The following PPP3CA variants were observed in gnomAD, a reference collection of about 807,000 sequenced individuals.
PPP3CA encodes CAM-PRP catalytic subunit.
A neutral mutation model predicts 66.5 loss-of-function variants in PPP3CA; 14 were observed. That is an observed-to-expected ratio of 0.21 (90% CI 0.14 to 0.33). The LOEUF is 0.33. Among genes scored for constraint, PPP3CA ranks in the 10% least tolerant of loss-of-function variants. The pLI is 1.00. For synonymous variants in PPP3CA, 232 were observed against 226.2 expected (o/e 1.03, Z -0.23); for missense variants, 317 against 639.5 (o/e 0.50, Z 5.44).
At chr4:101,126,780 A>G (rs1366129177) in intron 2 of PPP3CA, among the ~76,000 whole-genome samples, 1 of 152,232 alleles carries the variant, frequency 6.6e-6, no homozygotes, top group African/African-American at 2.4e-5. Context: ...CATTCCCAGA[A>G]GATCTCAAAA....
intron 1 of PPP3CA, among the ~76,000 whole-genome samples, chr4:101,316,322 T>C (rs1728883082): frequency 6.6e-6 from 1 of 151,724 alleles, no homozygotes; most frequent in South Asian, 2.1e-4. Flanking sequence ...TCAAAGATAA[T>C]TGAAGTTGAC....
At chr4:101,029,347 T>TAAAAAAAAAAAAAAAAAAAACA (rs1726817901) in intron 12 of PPP3CA, 152 bp from the exon 13 acceptor site, 1 of 78,822 alleles carries the variant, frequency 1.3e-5, no homozygotes, top group Non-Finnish European at 2.1e-5. Context: ...ACAGAAATGC[T>TAAAAAAAAAAAAAAAAAAAACA]AAAAAAAAAA....
At chr4:101,279,026 G>C (rs951776062) in intron 1 of PPP3CA, among the ~76,000 whole-genome samples, 1 of 152,166 alleles carries the variant, frequency 6.6e-6, no homozygotes, top group Non-Finnish European at 1.5e-5. Context: ...TAATTAAAAT[G>C]TCTTGCATCA....
chr4:101,320,468 GTAT>G (rs1286655638), intron 1 of PPP3CA, among the ~76,000 whole-genome samples: 3 of 129,062 alleles, frequency 2.3e-5, no homozygotes, highest in African/African-American at 3.4e-5. Context: ...ATGTATGTAT[GTAT>G]GTATGTGTGT....
intron 1 of PPP3CA, among the ~76,000 whole-genome samples, chr4:101,286,122 A>G (rs1727840064): frequency 6.6e-6 from 1 of 152,168 alleles, no homozygotes; most frequent in African/African-American, 2.4e-5. Context: ...TTAGATCCTC[A>G]TATGTACAGT....
intron 1 of PPP3CA, among the ~76,000 whole-genome samples, chr4:101,335,696 G>A (rs1466133632): frequency 6.6e-6 from 1 of 152,092 alleles, no homozygotes; most frequent in Non-Finnish European, 1.5e-5. Flanking sequence ...AGGGTATCTC[G>A]GGATGCTAAA....
chr4:101,193,786 CT>C (rs1014440844), intron 2 of PPP3CA, among the ~76,000 whole-genome samples: 1 of 136,550 alleles, frequency 7.3e-6, no homozygotes, highest in Non-Finnish European at 1.5e-5. Context: ...TTCATTTTAA[CT>C]TTAAAAAATG....
intron 8 of PPP3CA, among the ~76,000 whole-genome samples, chr4:101,065,882 G>T (rs969454071): frequency 2.0e-5 from 3 of 152,044 alleles, no homozygotes; most frequent in African/African-American, 7.2e-5. Context: ...TGAGATAAAA[G>T]TTCATTTGAC....
chr4:101,347,134 G>T lies in PPP3CA; in HGVS notation c.-338C>A. On this transcript the variant is annotated 5_prime_UTR_variant, in exon 1 of 14. Transcript: ENST00000394854. ...GGGAAGGGGGATGGGGAGGAGAAGC[G>T]CACACACGAGCACCCACCCCGGCAC... 2.2e-6 allele frequency: 1 copy of T among 446,866 alleles called. No individual in the cohort carries two copies. The highest frequency in any genetic ancestry group is 2.1e-5 in the African/African-American group (1 of 46,734). 27.7% of individuals were successfully genotyped at this position (446,866 alleles called of 1,614,324 possible).
chr4:101,105,815 T>A (rs1730641207), intron 3 of PPP3CA, among the ~76,000 whole-genome samples: 1 of 152,058 alleles, frequency 6.6e-6, no homozygotes, highest in Admixed American at 6.6e-5. Context: ...TAAAAAAAAA[T>A]TTCCAACGCA....
At chr4:101,208,251 T>G (rs1176878027) in intron 1 of PPP3CA, among the ~76,000 whole-genome samples, 3 of 150,936 alleles carry the variant, frequency 2.0e-5, no homozygotes, top group Non-Finnish European at 4.4e-5. Context: ...ACACACACAA[T>G]CAGATGATAT....
intron 2 of PPP3CA, among the ~76,000 whole-genome samples, chr4:101,123,452 A>G (rs1722094131): frequency 6.6e-6 from 1 of 152,204 alleles, no homozygotes; most frequent in South Asian, 2.1e-4. Context: ...CACAGTAGAA[A>G]CAACATATGT....
At chr4:101,065,174 TA>T (rs145631126) in intron 8 of PPP3CA, among the ~76,000 whole-genome samples, 7,824 of 151,918 alleles carry the variant, frequency 0.052, 692 homozygotes, top group African/African-American at 0.18. Context: ...ACATGCAAAA[TA>T]AAAAAATCAA....
Position 101,171,858 on chromosome 4 carries a change from G to T in PPP3CA, c.259+24058C>A, listed in dbSNP as rs143968359. ...ATACCGATTTCTGCTAGGATATAAG[G>T]ATTATGAGAAAATGAGCATGTCTCT... On this transcript the variant is annotated intron_variant, in intron 2 of 13. Coordinates refer to ENST00000394854, the MANE Select transcript of PPP3CA (RefSeq NM_000944.5). Among the ~76,000 whole-genome samples the T allele has an allele frequency of 3.6e-3, 553 of 152,202 alleles. 3 individuals carry two copies. The highest frequency in any genetic ancestry group is 0.014 in the Middle Eastern group (4 of 294).
chr4:101,079,576 T>G (rs1292580585), intron 8 of PPP3CA, among the ~76,000 whole-genome samples: 1 of 151,686 alleles, frequency 6.6e-6, no homozygotes, highest in African/African-American at 2.4e-5. Flanking sequence ...AGAGACGGAG[T>G]TTCACCGTGT....
chr4:101,036,312 C>A (rs565013327), intron 11 of PPP3CA, among the ~76,000 whole-genome samples: 10 of 151,888 alleles, frequency 6.6e-5, no homozygotes, highest in Admixed American at 2.0e-4. Context: ...CTTTATTTTT[C>A]TCCTCTCACT....
chr4:101,046,936 G>A (rs1302197867), intron 10 of PPP3CA, among the ~76,000 whole-genome samples: 1 of 152,158 alleles, frequency 6.6e-6, no homozygotes, highest in South Asian at 2.1e-4. Context: ...AGACAGAACA[G>A]ACTTCAGATA....
rs1310291741 is a variant in PPP3CA at position 101,333,296 on chromosome 4, T to G, written c.58+13443A>C. On this transcript the variant is annotated intron_variant, in intron 1 of 13. Coordinates refer to ENST00000394854, the MANE Select transcript of PPP3CA (RefSeq NM_000944.5). ...TTTTTTTTTTTTTTTTTTTTTTTTT[T>G]TTTTTTTTTTTTTGTAGAGATGAGG... Among the ~76,000 whole-genome samples the G allele has an allele frequency of 8.2e-5, 10 of 122,582 alleles. 1 individual carries two copies. The highest frequency in any genetic ancestry group is 1.7e-4 in the African/African-American group (5 of 30,042). 80.4% of individuals were successfully genotyped at this position (122,582 alleles called of 152,430 possible).
intron 1 of PPP3CA, among the ~76,000 whole-genome samples, chr4:101,256,990 G>T (rs779732932): frequency 1.3e-5 from 2 of 151,926 alleles, no homozygotes; most frequent in African/African-American, 2.4e-5. Flanking sequence ...ACTTCGCCAG[G>T]GTTGCCCAAG....
Sources: gnomAD v4.1 joint callset for allele counts (sites outside exome capture counted in the v4.1 genomes callset) on GRCh38, gnomAD v4.1.1 for gene constraint, MANE v1.5 for transcripts, NCBI Gene and HGNC (gene_info 2026-07-23, HGNC 2026-07-21) for gene names.